The following SGCZ variants were observed in gnomAD, a reference collection of about 807,000 sequenced individuals.
SGCZ encodes the protein sarcoglycan zeta, also known as zeta-sarcoglycan.
A neutral mutation model predicts 41.3 loss-of-function variants in SGCZ; 40 were observed. That is an observed-to-expected ratio of 0.97 (90% CI 0.75 to 1.26). The LOEUF (loss-of-function observed/expected upper bound fraction) is 1.26, where lower values mean the gene tolerates loss of function less well. Ranked by LOEUF, SGCZ falls within the 50% of genes most tolerant of loss-of-function variation. SGCZ has a pLI of 0.00. For synonymous variants in SGCZ, 206 were observed against 137.5 expected (o/e 1.50, Z -3.49); for missense variants, 552 against 369.8 (o/e 1.49, Z -4.04).
chr8:14,500,502 G>A (rs551309853), intron 2 of SGCZ, among the ~76,000 whole-genome samples: 2 of 151,530 alleles, frequency 1.3e-5, no homozygotes, highest in East Asian at 1.9e-4. Context: ...AACATTTTAA[G>A]TAGACAAAAT....
At chr8:14,394,704 G>A (rs948488479) in intron 2 of SGCZ, among the ~76,000 whole-genome samples, 4 of 152,130 alleles carry the variant, frequency 2.6e-5, no homozygotes, top group African/African-American at 7.2e-5. Context: ...AAGATAAAGT[G>A]GAAATAATTG....
At chr8:15,226,814 A>G (rs1298281100) in intron 1 of SGCZ, among the ~76,000 whole-genome samples, 11 of 151,010 alleles carry the variant, frequency 7.3e-5, no homozygotes, top group Non-Finnish European at 1.6e-4. Flanking sequence ...GACTTGGTCT[A>G]GGGTTCTAAC....
chr8:15,079,856 G>A (rs1369878115), intron 1 of SGCZ, among the ~76,000 whole-genome samples: 1 of 152,110 alleles, frequency 6.6e-6, no homozygotes, highest in Non-Finnish European at 1.5e-5. Flanking sequence ...TACCCGATAG[G>A]TAACTTTTCA....
At position 14,436,812 on chromosome 8, in the gene SGCZ, T is replaced by G. The variant is rs182116435; in HGVS notation, c.235-112608A>C. Among the ~76,000 whole-genome samples, 3 of 152,352 alleles carry G rather than the reference T, an allele frequency of 2.0e-5. No homozygotes were observed. In the East Asian group the frequency reaches 5.8e-4, roughly 29 times the overall value. Reference sequence around the variant, plus strand: ...TGGTGGTTTAGAGGAAAAGCACTTGTGTGATTTAGCTGAAACCTGAACTCA... The same window carrying G: ...TGGTGGTTTAGAGGAAAAGCACTTGGGTGATTTAGCTGAAACCTGAACTCA... On this transcript the variant is annotated intron_variant, in intron 2 of 7. Coordinates refer to ENST00000382080, the MANE Select transcript of SGCZ (RefSeq NM_139167.4).
intron 2 of SGCZ, among the ~76,000 whole-genome samples, chr8:14,372,616 C>A (rs189646797): frequency 2.4e-4 from 36 of 152,170 alleles, no homozygotes; most frequent in African/African-American, 7.5e-4. Flanking sequence ...AGCAGCCTCA[C>A]TGAATAGATA....
chr8:14,545,454 CTTAAGA>C (rs1803597728), intron 2 of SGCZ, among the ~76,000 whole-genome samples: 2 of 150,656 alleles, frequency 1.3e-5, no homozygotes, highest in East Asian at 1.9e-4. Flanking sequence ...ATAAACCCTT[CTTAAGA>C]TTATTACTTT....
chr8:14,673,713 A>C (rs375933442), intron 1 of SGCZ, among the ~76,000 whole-genome samples: 1 of 152,232 alleles, frequency 6.6e-6, no homozygotes, highest in Non-Finnish European at 1.5e-5. Flanking sequence ...TGAATAAATG[A>C]ACGAATAAAT....
intron 1 of SGCZ, among the ~76,000 whole-genome samples, 193 bp downstream of exon 1, chr8:15,237,392 C>G (rs1802169039): frequency 6.6e-6 from 1 of 152,292 alleles, no homozygotes; most frequent in South Asian, 2.1e-4. Flanking sequence ...TGCAGCCTGG[C>G]TCGGGAGAAC....
intron 1 of SGCZ, among the ~76,000 whole-genome samples, chr8:15,034,022 C>T (rs1309339433): frequency 1.3e-5 from 2 of 152,262 alleles, no homozygotes; most frequent in East Asian, 1.9e-4. Flanking sequence ...TTTAAATGTA[C>T]AGGCTTCAAC....
Position 14,156,200 on chromosome 8 carries a change from T to C in SGCZ, c.547+8380A>G, listed in dbSNP as rs147732240. On this transcript the variant is annotated intron_variant, in intron 5 of 7. Transcript: ENST00000382080. ...AAATATTTTTCTTGGCCACTCACAG[T>C]GTCTGATGCCTGTAATCCTGGCACT... Among the ~76,000 whole-genome samples, 1,385 of 152,286 alleles carry C rather than the reference T, an allele frequency of 9.1e-3. 18 individuals carry two copies. Among genetic ancestry groups the C allele is most frequent in the Non-Finnish European group, 0.014 (953 of 68,016 alleles).
intron 1 of SGCZ, among the ~76,000 whole-genome samples, chr8:14,808,278 A>C (rs893701100): frequency 3.3e-4 from 51 of 152,262 alleles, no homozygotes; most frequent in African/African-American, 1.2e-3. Flanking sequence ...AGAAACTACC[A>C]TCAGAGTGAA....
chr8:14,665,910 T>A (rs544679851), intron 1 of SGCZ, among the ~76,000 whole-genome samples: 1 of 152,276 alleles, frequency 6.6e-6, no homozygotes, highest in South Asian at 2.1e-4. Context: ...TCACTTTCAT[T>A]TTTAGTAAAT....
intron 3 of SGCZ, among the ~76,000 whole-genome samples, chr8:14,282,806 T>G (rs1162720100): frequency 6.6e-6 from 1 of 152,020 alleles, no homozygotes; most frequent in Non-Finnish European, 1.5e-5. Context: ...TTTCAATATT[T>G]GTTTTTCTAG....
chr8:14,241,098 T>C (rs1255225044), intron 3 of SGCZ, among the ~76,000 whole-genome samples: 7 of 152,144 alleles, frequency 4.6e-5, no homozygotes, highest in Non-Finnish European at 1.5e-5. Context: ...TTTTCTTGTG[T>C]TTGTTTCTCC....
intron 1 of SGCZ, among the ~76,000 whole-genome samples, chr8:14,581,804 T>G (rs1017109224): frequency 6.6e-6 from 1 of 152,228 alleles, no homozygotes; most frequent in Admixed American, 6.5e-5. Context: ...AAAAGAAAAC[T>G]GAAGTATACT....
At chr8:15,165,596 C>T (rs936124582) in intron 1 of SGCZ, among the ~76,000 whole-genome samples, 1 of 152,088 alleles carries the variant, frequency 6.6e-6, no homozygotes, top group Admixed American at 6.5e-5. Flanking sequence ...AAGCAACTTA[C>T]CAAGTTTTAC....
intron 1 of SGCZ, among the ~76,000 whole-genome samples, chr8:14,619,819 T>G (rs986034478): frequency 6.6e-6 from 1 of 152,212 alleles, no homozygotes; most frequent in African/African-American, 2.4e-5. Context: ...ACACATTCCA[T>G]GCTCATGTAC....
intron 1 of SGCZ, among the ~76,000 whole-genome samples, chr8:14,713,271 C>T (rs1228653810): frequency 6.6e-6 from 1 of 152,134 alleles, no homozygotes; most frequent in East Asian, 1.9e-4. Context: ...AATTCAAAAA[C>T]TTCAACATTG....
At chr8:14,938,216 C>T (rs527834254) in intron 1 of SGCZ, among the ~76,000 whole-genome samples, 3 of 152,122 alleles carry the variant, frequency 2.0e-5, no homozygotes, top group Admixed American at 6.5e-5. Flanking sequence ...CTGGAAATAG[C>T]GTTAGAATAA....
Sources: gnomAD v4.1 joint callset for allele counts (sites outside exome capture counted in the v4.1 genomes callset) on GRCh38, gnomAD v4.1.1 for gene constraint, MANE v1.5 for transcripts, NCBI Gene and HGNC (gene_info 2026-07-23, HGNC 2026-07-21) for gene names.